Variants in CNGA2 observed in about 807,000 individuals in gnomAD.
The protein encoded by CNGA2 is cyclic nucleotide gated channel subunit alpha 2.
A neutral mutation model predicts 35.9 loss-of-function variants in CNGA2; 22 were observed. The ratio of observed to expected loss-of-function variants is 0.61; its 90% CI spans 0.44 to 0.88. CNGA2 has a LOEUF of 0.88. Ranked by LOEUF, CNGA2 falls within the 40% of genes least tolerant of loss-of-function variation. The pLI is 0.00. For synonymous variants in CNGA2, 217 were observed against 209.2 expected (o/e 1.04, Z -0.32); for missense variants, 555 against 530.8 (o/e 1.05, Z -0.45).
intron 5 of CNGA2, among the ~76,000 whole-genome samples, 197 bp downstream of exon 5, chrX:151,741,098 A>G (rs1327587699): frequency 8.9e-6 from 1 of 112,186 alleles, no homozygotes; most frequent in Non-Finnish European, 1.9e-5. Flanking sequence ...CCACACACCT[A>G]GGGTGCATCC....
chrX:151,737,959 G>C (rs1205449812), intron 1 of CNGA2, among the ~76,000 whole-genome samples: 1 of 106,052 alleles, frequency 9.4e-6, no homozygotes, highest in Non-Finnish European at 1.9e-5. Context: ...GACCACCTCA[G>C]AGCTCATGCT....
Position 151,738,846 on chromosome X carries a change from A to G in CNGA2, c.170A>G (p.Asp57Gly). 1 of 1,177,224 alleles carries G rather than the reference A, an allele frequency of 8.5e-7. No homozygotes were observed. The highest frequency in any genetic ancestry group is 1.9e-5 in the South Asian group (1 of 53,183). The change falls in exon 3 of 7, where the codon GAT becomes GGT. Residue 57 changes from aspartate (D) to glycine (G), a missense_variant. Coordinates refer to ENST00000329903, the MANE Select transcript of CNGA2 (RefSeq NM_005140.3). ...SSELQRLADV[D>G]APQQGRSGFR... ...GAACTGCAGAGGCTGGCAGACGTGG[A>G]TGCCCCACAGCAGGGAAGGAGTGGC...
rs967191741 is a variant in CNGA2 at position 151,734,951 on chromosome X, T to C, written c.-27+8T>C. 1.2e-4 allele frequency among the ~76,000 whole-genome samples: 13 copies of C among 111,533 alleles called. No individual in the cohort carries two copies. Among genetic ancestry groups the C allele is most frequent in the Admixed American group, 2.8e-4 (3 of 10,529 alleles). On this transcript the variant is annotated splice_region_variant and intron_variant, in intron 1 of 6. Coordinates refer to ENST00000329903, the MANE Select transcript of CNGA2 (RefSeq NM_005140.3). ...CAAAGGACCTGGCACATAGTAGGTG[T>C]CTTGGGGATGTGTGTGAGATAGATG...
chrX:151,742,203 G>A (rs750824551), intron 5 of CNGA2, among the ~76,000 whole-genome samples: 1 of 112,254 alleles, frequency 8.9e-6, no homozygotes, highest in Non-Finnish European at 1.9e-5. Flanking sequence ...TCAACTCACA[G>A]CCATTGAGTG....
chrX:151,740,806 A>G lies in CNGA2; in HGVS notation c.387A>G (p.Glu129=). The G allele has an allele frequency of 3.3e-6, 4 of 1,208,251 alleles. No homozygotes were observed. The highest frequency in any genetic ancestry group is 2.3e-4 in the Middle Eastern group (1 of 4,308). ...GEDKGTKKKF[E]LFVLDPAGDW... ...TCTGTCTTCTCAGGAAGAAATTTGA[A>G]CTATTTGTCTTGGACCCAGCTGGGG... is the stretch of plus-strand genomic sequence containing the variant. The change falls in exon 5 of 7, where the codon GAA becomes GAG. Residue 129 remains glutamate, a synonymous_variant. Coordinates refer to ENST00000329903, the MANE Select transcript of CNGA2 (RefSeq NM_005140.3).
At chrX:151,736,835 C>T (rs1355920350) in intron 1 of CNGA2, among the ~76,000 whole-genome samples, 1 of 111,412 alleles carries the variant, frequency 9.0e-6, no homozygotes, top group Non-Finnish European at 1.9e-5. Flanking sequence ...GGATTACAGC[C>T]CTTTTGATCT....
At position 151,743,805 on chromosome X, in the gene CNGA2, C is replaced by A. The variant is rs776025165; in HGVS notation, c.1302C>A (p.Ala434=). The change falls in exon 7 of 7, where the codon GCC becomes GCA. Residue 434 remains alanine (A), a synonymous_variant. Coordinates refer to ENST00000329903, the MANE Select transcript of CNGA2 (RefSeq NM_005140.3). ...GAGAAATTCTCAAGAATCTGCCAGC[C>A]AAGCTCAGGGCTGAGATAGCCATCA... ...DEREILKNLP[A]KLRAEIAINV... is the part of the protein sequence containing the mutation. 3 of 1,211,695 alleles carry A rather than the reference C, an allele frequency of 2.5e-6. No homozygotes were observed. Among genetic ancestry groups the A allele is most frequent in the Non-Finnish European group, 3.4e-6 (3 of 895,517 alleles).
chrX:151,738,608 T>C lies in CNGA2; in HGVS notation c.110+15T>C. On this transcript the variant is annotated intron_variant, in intron 2 of 6. Coordinates refer to ENST00000329903, the MANE Select transcript of CNGA2 (RefSeq NM_005140.3). Reference sequence around the variant, plus strand: ...ACAAGCAGCAGGTGAGTCTGCATGGTATCAGGGAAGGTACAGAGGCTGCTA... The same window carrying C: ...ACAAGCAGCAGGTGAGTCTGCATGGCATCAGGGAAGGTACAGAGGCTGCTA... 5.1e-6 allele frequency: 6 copies of C among 1,179,857 alleles called. No homozygotes were observed. The highest frequency in any genetic ancestry group is 6.9e-6 in the Non-Finnish European group (6 of 867,569).
chrX:151,740,032 G>A (rs982035452), intron 4 of CNGA2, among the ~76,000 whole-genome samples: 1 of 112,428 alleles, frequency 8.9e-6, no homozygotes, highest in Non-Finnish European at 1.9e-5. Context: ...GAAATACTGA[G>A]AGGGTGCATT....
In CNGA2 at chrX:151,735,445, G is replaced by C. The variant is rs780363254; in HGVS notation, c.-27+502G>C. Among the ~76,000 whole-genome samples, 4 of 111,704 alleles carry C rather than the reference G, an allele frequency of 3.6e-5. No individual in the cohort carries two copies. In the South Asian group the frequency reaches 1.5e-3, roughly 43 times the overall value. ...TGCTGCCTGGTGTCTCTGAAGATGA[G>C]ATCCCCCCATCCCTCCCATTTCACT... On this transcript the variant is annotated intron_variant, in intron 1 of 6. Coordinates refer to ENST00000329903, the MANE Select transcript of CNGA2 (RefSeq NM_005140.3).
intron 1 of CNGA2, 76 bp from the exon 2 acceptor site, chrX:151,738,382 G>C (rs1042007541): frequency 8.6e-6 from 6 of 698,990 alleles, no homozygotes; most frequent in Non-Finnish European, 1.3e-5. Context: ...AATCCATCCT[G>C]TTCACTTGCC....
At position 151,743,272 on chromosome X, in the gene CNGA2, T is replaced by C; in HGVS notation, c.769T>C (p.Phe257Leu). 8.3e-7 allele frequency: 1 copy of C among 1,208,221 alleles called. No homozygotes were observed. Among genetic ancestry groups the C allele is most frequent in the Admixed American group, 2.2e-5 (1 of 45,440 alleles). Reference sequence around the variant, plus strand: ...CCGCCTGCTGCACTTTGCCCGCATGTTTGAGTTCTTTGACCGGACAGAGAC... The same window carrying C: ...CCGCCTGCTGCACTTTGCCCGCATGCTTGAGTTCTTTGACCGGACAGAGAC... ...FNRLLHFARM[F>L]EFFDRTETRT... Residue 257 changes from phenylalanine (F) to leucine (L), a missense_variant, in exon 7 of 7, where the codon TTT becomes CTT. Physicochemically the swap from Phe to Leu is conservative, Grantham distance 22. Coordinates refer to ENST00000329903, the MANE Select transcript of CNGA2 (RefSeq NM_005140.3).
chrX:151,743,105 A>G lies in CNGA2; in HGVS notation c.602A>G (p.Gln201Arg), dbSNP rs764432677. The change falls in exon 7 of 7, where the codon CAG becomes CGG. Residue 201 changes from glutamine (Q) to arginine (R), a missense_variant. By Grantham distance (43) the Gln-to-Arg change is conservative. Transcript: ENST00000329903. ...TCATCTCTACTAGGTTTCCTGGAGC[A>G]GGGGCTGCTGGTCAAAGATACCAAG... ...FIRLRTGFLE[Q>R]GLLVKDTKKL... is the part of the protein sequence containing the mutation. The G allele has an allele frequency of 1.7e-6, 2 of 1,147,529 alleles. No individual in the cohort carries two copies. The highest frequency in any genetic ancestry group is 5.1e-5 in the Admixed American group (2 of 39,487). The allele number at this position is 1,147,529 out of a possible 1,213,427, so 94.6% of individuals were successfully genotyped here.
Position 151,743,288 on chromosome X carries a change from G to A in CNGA2, c.785G>A (p.Arg262Gln), listed in dbSNP as rs771882154. ...HFARMFEFFD[R>Q]TETRTNYPNI... ...GCCCGCATGTTTGAGTTCTTTGACC[G>A]GACAGAGACACGCACCAACTACCCT... is the stretch of plus-strand genomic sequence containing the variant. The change falls in exon 7 of 7, where the codon CGG becomes CAG. Residue 262 changes from arginine (R) to glutamine (Q), a missense_variant. Physicochemically the swap from Arg to Gln is conservative, Grantham distance 43. Coordinates refer to ENST00000329903, the MANE Select transcript of CNGA2 (RefSeq NM_005140.3). 3.4e-5 allele frequency: 41 copies of A among 1,203,888 alleles called. 1 individual carries two copies. The South Asian group carries it at 3.7e-4, about 11-fold the overall frequency.
At chrX:151,736,512 A>C (rs762851441) in intron 1 of CNGA2, among the ~76,000 whole-genome samples, 97 of 111,958 alleles carry the variant, frequency 8.7e-4, no homozygotes, top group Admixed American at 2.8e-3. Flanking sequence ...GGAAGAGGGC[A>C]GGCCCCTTTC....
At position 151,739,643 on chromosome X, in the gene CNGA2, C is replaced by T. The variant is rs367695597; in HGVS notation, c.285C>T (p.Leu95=). The T allele has an allele frequency of 7.4e-5, 90 of 1,209,680 alleles. No individual in the cohort carries two copies. The highest frequency in any genetic ancestry group is 2.2e-4 in the Admixed American group (10 of 45,735). Residue 95 remains leucine, a synonymous_variant, in exon 4 of 7, where the codon CTC becomes CTT. Coordinates refer to ENST00000329903, the MANE Select transcript of CNGA2 (RefSeq NM_005140.3). ...REEEPRPDSF[L]ERFRGPELQT... is the part of the protein sequence containing the mutation. ...AGGAACCTAGGCCTGACTCATTCCT[C>T]GAGCGTTTTCGTGGGCCTGAACTCC...
chrX:151,735,965 C>A (rs2015243887), intron 1 of CNGA2, among the ~76,000 whole-genome samples: 1 of 111,493 alleles, frequency 9.0e-6, no homozygotes, highest in Non-Finnish European at 1.9e-5. Flanking sequence ...AGTGCCCGCT[C>A]CAGCTCTCAT....
chrX:151,744,120 T>C lies in CNGA2; in HGVS notation c.1617T>C (p.Asn539=), dbSNP rs1478727590. The C allele has an allele frequency of 1.3e-5, 16 of 1,208,229 alleles. No individual in the cohort carries two copies. The highest frequency in any genetic ancestry group is 1.2e-5 in the Non-Finnish European group (11 of 894,903). ...AAATGGGCAATCGACGCACAGCTAA[T>C]ATCCGCAGCCTGGGCTACTCAGATC... is the stretch of plus-strand genomic sequence containing the variant. ...GSKMGNRRTA[N]IRSLGYSDLF... The change falls in exon 7 of 7, where the codon AAT becomes AAC. Residue 539 remains asparagine, a synonymous_variant. Transcript: ENST00000329903.
chrX:151,739,593 T>C lies in CNGA2; in HGVS notation c.235T>C (p.Trp79Arg). ...TCGCCTGGTGGGGATCATCAGAGAA[T>C]GGGCCAACAAGAATTTCCGAGAGGA... is the stretch of plus-strand genomic sequence containing the variant. ...IVRLVGIIRE[W>R]ANKNFREEEP... Residue 79 changes from tryptophan to arginine, a missense_variant, in exon 4 of 7, where the codon TGG becomes CGG. By Grantham distance (101) the Trp-to-Arg change is moderately radical (BLOSUM62 -3). Coordinates refer to ENST00000329903, the MANE Select transcript of CNGA2 (RefSeq NM_005140.3). 1 of 1,211,793 alleles carries C rather than the reference T, an allele frequency of 8.3e-7. No homozygotes were observed. Among genetic ancestry groups the C allele is most frequent in the Non-Finnish European group, 1.1e-6 (1 of 895,497 alleles).
Sources: gnomAD v4.1 joint callset for allele counts (sites outside exome capture counted in the v4.1 genomes callset) on GRCh38, gnomAD v4.1.1 for gene constraint, MANE v1.5 for transcripts, NCBI Gene and HGNC (gene_info 2026-07-23, HGNC 2026-07-21) for gene names.